The following MYB variants were observed in gnomAD, a reference collection of about 807,000 sequenced individuals.
The protein encoded by MYB is transcriptional activator Myb.
A neutral mutation model predicts 92.9 loss-of-function variants in MYB; 28 were observed. The ratio of observed to expected loss-of-function variants is 0.30; its 90% CI spans 0.22 to 0.41. MYB has a LOEUF of 0.41. Among genes scored for constraint, MYB ranks in the 10% least tolerant of loss-of-function variants. The probability of loss-of-function intolerance (pLI) is 1.00; values close to 1 mark genes in which losing one functional copy is unlikely to be tolerated. For missense variants in MYB, 679 were observed against 929.3 expected (o/e 0.73, Z 3.50); for synonymous variants, 295 against 329.1 (o/e 0.90, Z 1.12).
At position 135,184,086 on chromosome 6, in the gene MYB, GGA is replaced by G. The variant is rs144125784; in HGVS notation, c.24-1809_24-1808del. On this transcript the variant is annotated intron_variant, in intron 1 of 15. Coordinates refer to ENST00000341911, the MANE Select transcript of MYB (RefSeq NM_001130173.2). ...TGTTCCTGGGTTGTTAAACCGCTGC[GGA>G]GAGAGAGGTGCTCAATGACTACTCT... is the stretch of plus-strand genomic sequence containing the variant. Among the ~76,000 whole-genome samples the G allele has an allele frequency of 3.2e-3, 490 of 152,214 alleles. 2 individuals are homozygous for G. The highest frequency in any genetic ancestry group is 0.012 in the African/African-American group (478 of 41,510).
At chr6:135,185,805 T>C in intron 1 of MYB, 98 bp from the exon 2 acceptor site, 1 of 971,840 alleles carries the variant, frequency 1.0e-6, no homozygotes, top group Non-Finnish European at 1.6e-6. Context: ...TCATAACCTT[T>C]GAAAAGATTG....
At chr6:135,191,738 A>C (rs1776651422) in intron 5 of MYB, among the ~76,000 whole-genome samples, 1 of 152,216 alleles carries the variant, frequency 6.6e-6, no homozygotes, top group Non-Finnish European at 1.5e-5. Flanking sequence ...GGGGGTTAGG[A>C]TCTTTCCCTT....
At chr6:135,204,642 T>C (rs1778622063) in intron 15 of MYB, among the ~76,000 whole-genome samples, 1 of 152,224 alleles carries the variant, frequency 6.6e-6, no homozygotes, top group African/African-American at 2.4e-5. Flanking sequence ...TGCAAGCACA[T>C]TTTGTTTAAT....
chr6:135,186,326 C>T (rs913342722), intron 2 of MYB, among the ~76,000 whole-genome samples: 1 of 152,232 alleles, frequency 6.6e-6, no homozygotes, highest in Non-Finnish European at 1.5e-5. Flanking sequence ...GAAGGCATCA[C>T]CTCTTCTGTG....
At chr6:135,201,812 G>A in intron 14 of MYB, 63 bp downstream of exon 14, 2 of 969,414 alleles carry the variant, frequency 2.1e-6, no homozygotes, top group Non-Finnish European at 2.9e-6. Flanking sequence ...GAAATCCTGT[G>A]TGTGGCATAG....
In MYB at chr6:135,190,264, A is replaced by C. The variant is rs748681326; in HGVS notation, c.444A>C (p.Thr148=). Residue 148 remains threonine, a synonymous_variant, in exon 5 of 16, where the codon ACA becomes ACC. Transcript: ENST00000341911. The surrounding 1 kb of genome is among the most constrained non-coding windows in gnomAD (Gnocchi z 4.5). ...CAGAAGTTAAGAAAACCTCCTGGAC[A>C]GAAGAGGAAGACAGAATTATTTACC... ...LNPEVKKTSW[T]EEEDRIIYQA... is the part of the protein sequence containing the mutation. 16 of 1,614,078 alleles carry C rather than the reference A, an allele frequency of 9.9e-6. No individual in the cohort carries two copies. Among genetic ancestry groups the C allele is most frequent in the Non-Finnish European group, 1.7e-6 (2 of 1,180,022 alleles).
intron 15 of MYB, chr6:135,203,715 G>A: frequency 7.2e-7 from 1 of 1,393,792 alleles, no homozygotes; most frequent in Non-Finnish European, 9.4e-7. Context: ...TGTATCCCTA[G>A]GCAACCAAAG....
chr6:135,187,715 C>T (rs17720864), intron 2 of MYB, 119 bp from the exon 3 acceptor site: 10,643 of 533,648 alleles, frequency 0.02, 176 homozygotes, highest in East Asian at 0.045. Flanking sequence ...TTAATATCTC[C>T]TGTATTCGGA....
At chr6:135,212,612 C>T (rs56251351) in intron 15 of MYB, among the ~76,000 whole-genome samples, 12 of 152,046 alleles carry the variant, frequency 7.9e-5, no homozygotes, top group Non-Finnish European at 1.5e-4. Context: ...ACAGGATAAG[C>T]GAGATGACTC....
chr6:135,188,744 A>T (rs1776271099), intron 3 of MYB, among the ~76,000 whole-genome samples: 1 of 151,952 alleles, frequency 6.6e-6, no homozygotes, highest in South Asian at 2.1e-4. Context: ...TCCTGACCTC[A>T]AGTGATCTGC....
intron 15 of MYB, among the ~76,000 whole-genome samples, chr6:135,209,804 A>G (rs1261124355): frequency 2.0e-5 from 3 of 152,212 alleles, no homozygotes; most frequent in Non-Finnish European, 4.4e-5. Flanking sequence ...GATGTTTTTC[A>G]TATTTGTGTC....
intron 13 of MYB, 38 bp downstream of exon 13, chr6:135,200,453 T>C (rs772954509): frequency 6.2e-7 from 1 of 1,613,036 alleles, no homozygotes; most frequent in Non-Finnish European, 8.5e-7. Flanking sequence ...AAGCTGAGAA[T>C]CCTGCCCCCT....
Position 135,203,669 on chromosome 6 carries a change from GTTTAC to G in MYB, c.2169+350_2169+354del, listed in dbSNP as rs757779906. On this transcript the variant is annotated intron_variant, in intron 15 of 15. Transcript: ENST00000341911. Reference sequence around the variant, plus strand: ...TGTTTTATAAAAATATATCAATATAGTTTACTTTATGTTCCAAATTTTTTATTTTT... The same window carrying G: ...TGTTTTATAAAAATATATCAATATAGTTTATGTTCCAAATTTTTTATTTTT... 34 of 1,356,764 alleles carry G rather than the reference GTTTAC, an allele frequency of 2.5e-5. No homozygotes were observed. In the South Asian group the frequency reaches 3.2e-4, roughly 13 times the overall value. The allele number at this position is 1,356,764 out of a possible 1,614,324, so 84.0% of individuals were successfully genotyped here. A position where few individuals can be genotyped will look rare whatever the true frequency, so the allele number is the denominator to read the frequency against.
intron 1 of MYB, among the ~76,000 whole-genome samples, chr6:135,183,674 G>A (rs887662143): frequency 2.6e-5 from 4 of 152,220 alleles, no homozygotes; most frequent in African/African-American, 9.6e-5. Flanking sequence ...AGCCTGGCAG[G>A]GAAACTCAGG....
At chr6:135,201,127 A>G (rs1778027166) in intron 13 of MYB, among the ~76,000 whole-genome samples, 1 of 152,194 alleles carries the variant, frequency 6.6e-6, no homozygotes. Flanking sequence ...TGCAAGGATC[A>G]AAGTTTTAGC....
chr6:135,192,247 AAC>A lies in MYB; in HGVS notation c.528-75_528-74del, dbSNP rs1433814817. 7.0e-5 allele frequency: 85 copies of A among 1,217,874 alleles called. 1 individual carries two copies. The South Asian group carries it at 8.8e-4, about 13-fold the overall frequency. The allele number at this position is 1,217,874 out of a possible 1,614,324, so 75.4% of individuals were successfully genotyped here. On this transcript the variant is annotated intron_variant, in intron 5 of 15. Coordinates refer to ENST00000341911, the MANE Select transcript of MYB (RefSeq NM_001130173.2). ...GCCCAAGGGAAAGGTCTCTGTTAGA[AAC>A]AGTTTTCTGTCAATTCACTTTAATC...
rs1281291924 is a variant in MYB, at chr6:135,200,408, A to G, written c.1943A>G (p.Lys648Arg). The G allele has an allele frequency of 1.9e-6, 3 of 1,614,134 alleles. No individual in the cohort carries two copies. Among genetic ancestry groups the G allele is most frequent in the Non-Finnish European group, 2.5e-6 (3 of 1,180,018 alleles). ...ENGPPLLKKI[K>R]QEVESPTDKS... Reference sequence around the variant, plus strand: ...GGACCACCCTTACTGAAGAAAATCAAACAAGAGGTAAACACGCAACCCTTT... The same window carrying G: ...GGACCACCCTTACTGAAGAAAATCAGACAAGAGGTAAACACGCAACCCTTT... Residue 648 changes from lysine (K) to arginine (R), a missense_variant, in exon 13 of 16, where the codon AAA becomes AGA. Lys to Arg is a conservative substitution (Grantham distance 26, BLOSUM62 2). Coordinates refer to ENST00000341911, the MANE Select transcript of MYB (RefSeq NM_001130173.2).
chr6:135,198,369 T>C (rs901883603), intron 10 of MYB, among the ~76,000 whole-genome samples: 1 of 152,236 alleles, frequency 6.6e-6, no homozygotes, highest in Admixed American at 6.5e-5. Flanking sequence ...TTATGATATG[T>C]TGTGTTTCCC....
chr6:135,196,931 C>A, intron 9 of MYB, 30 bp from the exon 10 acceptor site: 2 of 1,599,160 alleles, frequency 1.3e-6, no homozygotes, highest in South Asian at 2.3e-5. Context: ...CACACTATCT[C>A]AAAGTTCTGT....
Sources: gnomAD v4.1 joint callset for allele counts (sites outside exome capture counted in the v4.1 genomes callset) on GRCh38, gnomAD v4.1.1 for gene constraint, Gnocchi (gnomAD v3.1) non-coding constraint, MANE v1.5 for transcripts, NCBI Gene and HGNC (gene_info 2026-07-23, HGNC 2026-07-21) for gene names.